TENM3: variants seen among roughly 807,000 people sequenced by gnomAD.
TENM3 encodes the protein teneurin-3.
Under a neutral mutation model 255.1 loss-of-function variants are expected in TENM3, and 63 were observed. The ratio of observed to expected loss-of-function variants is 0.25; its 90% CI spans 0.20 to 0.30. The LOEUF is 0.30. Among genes scored for constraint, TENM3 ranks in the 10% least tolerant of loss-of-function variants. The probability of loss-of-function intolerance (pLI) is 1.00; values close to 1 mark genes in which losing one functional copy is unlikely to be tolerated. For missense variants in TENM3, 2,929 were observed against 3,461.1 expected (o/e 0.85, Z 3.86); for synonymous variants, 1,306 against 1,322.3 (o/e 0.99, Z 0.27).
chr4:182,145,986 A>G (rs9312290), intron 1 of TENM3, among the ~76,000 whole-genome samples: 107,821 of 152,056 alleles, frequency 0.71, 38,339 homozygotes, highest in Admixed American at 0.74. Context: ...ATCCCAAAAG[A>G]TGGTATTGTA....
rs562102674 is a variant in TENM3 at position 182,515,849 on chromosome 4, T to A, written c.512-85075T>A. ...ACCCATTTAAAAGGTTTAAATAGAATCTGCTACATAAACTTTTCACATTTT... is the reference window on the plus strand; with the variant it reads ...ACCCATTTAAAAGGTTTAAATAGAAACTGCTACATAAACTTTTCACATTTT... On this transcript the variant is annotated intron_variant, in intron 3 of 27. Coordinates refer to ENST00000511685, the MANE Select transcript of TENM3 (RefSeq NM_001080477.4). 2.9e-4 allele frequency among the ~76,000 whole-genome samples: 44 copies of A among 152,362 alleles called. 1 individual carries two copies. Among genetic ancestry groups the A allele is most frequent in the African/African-American group, 1.0e-3 (43 of 41,586 alleles).
chr4:182,237,975 T>C (rs1349010505), intron 1 of TENM3, among the ~76,000 whole-genome samples: 1 of 152,206 alleles, frequency 6.6e-6, no homozygotes, highest in African/African-American at 2.4e-5. Flanking sequence ...CAAATATGTC[T>C]AGAAATAATA....
the TENM3 span, among the ~76,000 whole-genome samples, chr4:181,857,551 CAAAAAAAAAAAAAA>C: frequency 1.0e-3 from 105 of 104,798 alleles, 1 homozygote; most frequent in East Asian, 1.2e-3. Context: ...CCTGTCTCTA[CAAAAAAAAAAAAAA>C]AAAAAAAAAA....
intron 1 of TENM3, among the ~76,000 whole-genome samples, chr4:182,225,250 G>A (rs1378348972): frequency 6.6e-6 from 1 of 152,114 alleles, no homozygotes; most frequent in African/African-American, 2.4e-5. Context: ...TGGGTCTCAG[G>A]ATATATCTAG....
the TENM3 span, among the ~76,000 whole-genome samples, chr4:181,567,893 G>T: frequency 3.9e-5 from 6 of 152,130 alleles, no homozygotes; most frequent in African/African-American, 1.4e-4. Context: ...CTATGAAGTT[G>T]TGGAGCTCAT....
In TENM3 at chr4:182,679,728, T is replaced by C; in HGVS notation, c.1389T>C (p.Leu463=). The C allele has an allele frequency of 6.2e-7, 1 of 1,613,692 alleles. No homozygotes were observed. The highest frequency in any genetic ancestry group is 8.5e-7 in the Non-Finnish European group (1 of 1,179,880). The stretch of plus-strand genomic sequence containing the variant: ...TTGCCAGAGAGCAGCGGAGCCTGCT[T>C]GAGACGGAGAGAGCCGGGCGGCAGG... The part of the protein sequence containing the change: ...RLIAREQRSL[L]ETERAGRQAR... Residue 463 remains leucine (L), a synonymous_variant, in exon 8 of 28, where the codon CTT becomes CTC. Transcript: ENST00000511685.
chr4:182,712,752 G>C (rs894581937), intron 12 of TENM3, among the ~76,000 whole-genome samples: 2 of 152,170 alleles, frequency 1.3e-5, no homozygotes, highest in African/African-American at 4.8e-5. Context: ...AAAACAGATT[G>C]TTCCCTGAAA....
chr4:181,731,711 CT>C, the TENM3 span, among the ~76,000 whole-genome samples: 3 of 152,262 alleles, frequency 2.0e-5, no homozygotes, highest in Admixed American at 2.0e-4. Flanking sequence ...GTCACGTGGA[CT>C]TTTTGTCCCC....
At chr4:181,965,841 C>A in the TENM3 span, among the ~76,000 whole-genome samples, 10 of 152,226 alleles carry the variant, frequency 6.6e-5, no homozygotes, top group East Asian at 1.7e-3. Context: ...TATAGAGTGG[C>A]TCTGTGTGTT....
At chr4:182,234,648 C>T (rs1314536181) in intron 1 of TENM3, among the ~76,000 whole-genome samples, 1 of 152,116 alleles carries the variant, frequency 6.6e-6, no homozygotes, top group East Asian at 1.9e-4. Context: ...AGGAGAATCA[C>T]TTGAACCTAG....
intron 3 of TENM3, among the ~76,000 whole-genome samples, chr4:182,481,886 A>C (rs958086924): frequency 1.5e-4 from 23 of 152,184 alleles, no homozygotes; most frequent in Non-Finnish European, 5.9e-5. Context: ...TTTATATCAA[A>C]ATTTAAGAAG....
the TENM3 span, among the ~76,000 whole-genome samples, chr4:181,754,293 C>G: frequency 6.6e-6 from 1 of 150,940 alleles, no homozygotes; most frequent in Non-Finnish European, 1.5e-5. Flanking sequence ...GTCACACACA[C>G]ACACACACAC....
At chr4:181,596,589 T>G in the TENM3 span, among the ~76,000 whole-genome samples, 3 of 152,086 alleles carry the variant, frequency 2.0e-5, no homozygotes, top group African/African-American at 7.2e-5. Context: ...AGTAACCTCT[T>G]TATTTGTAGC....
intron 3 of TENM3, among the ~76,000 whole-genome samples, chr4:182,539,143 G>A (rs1298532489): frequency 1.3e-5 from 2 of 151,010 alleles, no homozygotes; most frequent in Non-Finnish European, 3.0e-5. Flanking sequence ...CTTAGTAAAG[G>A]GACAAGAGGC....
chr4:181,694,741 G>A, the TENM3 span, among the ~76,000 whole-genome samples: 2 of 152,168 alleles, frequency 1.3e-5, no homozygotes, highest in Non-Finnish European at 2.9e-5. Flanking sequence ...AGAGCTTTGC[G>A]TTAACAACAA....
intron 1 of TENM3, among the ~76,000 whole-genome samples, chr4:182,160,318 T>TA (rs893039125): frequency 1.3e-5 from 2 of 152,120 alleles, no homozygotes; most frequent in Non-Finnish European, 2.9e-5. Flanking sequence ...GTTCTTTTTT[T>TA]AAAAAAATGA....
chr4:181,556,829 T>C, the TENM3 span, among the ~76,000 whole-genome samples: 1 of 152,218 alleles, frequency 6.6e-6, no homozygotes, highest in Non-Finnish European at 1.5e-5. Context: ...TCTTCATTTT[T>C]ATAAGACTTT....
At position 182,455,755 on chromosome 4, in the gene TENM3, T is replaced by G. The variant is rs146339532; in HGVS notation, c.511+108826T>G. 8.1e-4 allele frequency among the ~76,000 whole-genome samples: 123 copies of G among 152,000 alleles called. 1 individual carries two copies. The highest frequency in any genetic ancestry group is 2.9e-3 in the African/African-American group (120 of 41,448). On this transcript the variant is annotated intron_variant, in intron 3 of 27. Transcript: ENST00000511685. The stretch of plus-strand genomic sequence containing the variant: ...TTTGTGTATTTTAGTAGAGACAGGG[T>G]CTCACCATGTTGGCCAGGCTGGTCT...
chr4:181,948,638 G>A, the TENM3 span, among the ~76,000 whole-genome samples: 77 of 152,060 alleles, frequency 5.1e-4, no homozygotes, highest in African/African-American at 1.6e-3. Context: ...GGCTGATCTC[G>A]AACTCCTGAC....
Sources: allele counts gnomAD v4.1 joint callset (sites outside exome capture counted in the v4.1 genomes callset), GRCh38; gene constraint gnomAD v4.1.1; transcripts MANE v1.5; gene names NCBI Gene and HGNC (gene_info 2026-07-23, HGNC 2026-07-21).